Variants in STAG1 observed in about 807,000 individuals in gnomAD.
STAG1 encodes STAG1 cohesin complex component.
Under a neutral mutation model 170.9 loss-of-function variants are expected in STAG1, and 26 were observed. The observed-to-expected ratio is 0.15, with a 90% CI of 0.11 to 0.21. The LOEUF (loss-of-function observed/expected upper bound fraction) is 0.21. STAG1 is among the 10% of genes least tolerant of loss of function. STAG1 has a pLI of 1.00. For missense variants in STAG1, 964 were observed against 1,509.5 expected (o/e 0.64, Z 5.99); for synonymous variants, 514 against 497.7 (o/e 1.03, Z -0.44).
At chr3:136,446,695 T>A (rs2088790413) in intron 14 of STAG1, among the ~76,000 whole-genome samples, 1 of 151,964 alleles carries the variant, frequency 6.6e-6, no homozygotes, top group South Asian at 2.1e-4. Context: ...AGTGTTGGGA[T>A]TACAGGCATG....
intron 1 of STAG1, among the ~76,000 whole-genome samples, chr3:136,639,192 A>G (rs1297037080): frequency 2.0e-5 from 3 of 151,146 alleles, no homozygotes; most frequent in Non-Finnish European, 4.4e-5. Context: ...AAAGAAAAGA[A>G]AAAAAAAAGG....
chr3:136,492,054 G>A (rs1428196351), intron 9 of STAG1, among the ~76,000 whole-genome samples: 1 of 152,108 alleles, frequency 6.6e-6, no homozygotes, highest in Non-Finnish European at 1.5e-5. Flanking sequence ...GTGGTAAGTG[G>A]GACACAAAGT....
intron 6 of STAG1, among the ~76,000 whole-genome samples, chr3:136,521,809 C>T (rs566532343): frequency 6.6e-6 from 1 of 152,250 alleles, no homozygotes; most frequent in Non-Finnish European, 1.5e-5. Flanking sequence ...CTGTGTCATA[C>T]CACATCTTTC....
chr3:136,745,313 A>G (rs955815467), intron 1 of STAG1, among the ~76,000 whole-genome samples: 9 of 152,230 alleles, frequency 5.9e-5, no homozygotes, highest in African/African-American at 2.2e-4. Flanking sequence ...AAAATTAAAA[A>G]TAAATAAAAA....
chr3:136,691,596 C>A (rs926710125), intron 1 of STAG1, among the ~76,000 whole-genome samples: 3 of 152,196 alleles, frequency 2.0e-5, no homozygotes, highest in Non-Finnish European at 4.4e-5. Context: ...GAGAAACCCT[C>A]AAAGCTGCCA....
chr3:136,338,679 A>G (rs780891289), intron 32 of STAG1, among the ~76,000 whole-genome samples: 1 of 152,244 alleles, frequency 6.6e-6, no homozygotes, highest in Admixed American at 6.5e-5. Flanking sequence ...CTTTCAAACT[A>G]TCATGAATAA....
intron 3 of STAG1, among the ~76,000 whole-genome samples, chr3:136,610,221 G>C (rs1264106208): frequency 6.6e-6 from 1 of 152,012 alleles, no homozygotes; most frequent in Non-Finnish European, 1.5e-5. Flanking sequence ...ATTCTTAGTA[G>C]AGATGGGATT....
At chr3:136,571,668 T>C (rs1937269303) in intron 4 of STAG1, among the ~76,000 whole-genome samples, 2 of 151,846 alleles carry the variant, frequency 1.3e-5, no homozygotes, top group South Asian at 4.1e-4. Context: ...GGCCAGGAGT[T>C]CAAGACCAGC....
At chr3:136,585,053 T>C (rs536644500) in intron 4 of STAG1, among the ~76,000 whole-genome samples, 10 of 152,188 alleles carry the variant, frequency 6.6e-5, no homozygotes, top group Non-Finnish European at 1.3e-4. Context: ...AAATATCAAA[T>C]AATTATATGA....
chr3:136,642,273 T>C (rs1305423031), intron 1 of STAG1, among the ~76,000 whole-genome samples: 2 of 98,026 alleles, frequency 2.0e-5, no homozygotes, highest in East Asian at 4.3e-4. Flanking sequence ...TCTTTTTTTT[T>C]TTTTTTTTTT....
chr3:136,352,690 G>C (rs749810434), intron 28 of STAG1, among the ~76,000 whole-genome samples: 2 of 151,980 alleles, frequency 1.3e-5, no homozygotes. Flanking sequence ...CAATCATTCT[G>C]TTTTGTACTT....
chr3:136,596,973 G>A (rs1428370026), intron 4 of STAG1, among the ~76,000 whole-genome samples: 1 of 151,170 alleles, frequency 6.6e-6, no homozygotes, highest in Non-Finnish European at 1.5e-5. Context: ...TACTTAGGAG[G>A]CTGAGGCACA....
intron 1 of STAG1, among the ~76,000 whole-genome samples, chr3:136,722,662 C>G (rs1933357230): frequency 6.9e-6 from 1 of 144,726 alleles, no homozygotes; most frequent in Admixed American, 6.8e-5. Flanking sequence ...CCTCTCCCTT[C>G]TCCCCTCTCC....
At chr3:136,467,036 C>G (rs1359094704) in intron 12 of STAG1, among the ~76,000 whole-genome samples, 2 of 152,154 alleles carry the variant, frequency 1.3e-5, no homozygotes, top group Non-Finnish European at 2.9e-5. Context: ...CCAGTACCAG[C>G]CACTGCAAAA....
intron 2 of STAG1, among the ~76,000 whole-genome samples, chr3:136,627,266 A>G (rs1173052178): frequency 6.6e-6 from 1 of 152,174 alleles, no homozygotes; most frequent in African/African-American, 2.4e-5. Flanking sequence ...GAAAAAGAAA[A>G]TTTCGAGCAA....
chr3:136,714,723 G>A (rs1301187590), intron 1 of STAG1, among the ~76,000 whole-genome samples: 15 of 150,754 alleles, frequency 9.9e-5, no homozygotes, highest in East Asian at 7.8e-4. Flanking sequence ...GCGAGACTCC[G>A]TCTCAAAAAT....
At chr3:136,405,013 G>A (rs1210240633) in intron 21 of STAG1, among the ~76,000 whole-genome samples, 2 of 151,956 alleles carry the variant, frequency 1.3e-5, no homozygotes, top group African/African-American at 4.8e-5. Flanking sequence ...ATAGAAGGAG[G>A]CTCAAACTTT....
At chr3:136,459,110 C>A (rs990069648) in intron 13 of STAG1, among the ~76,000 whole-genome samples, 1 of 151,364 alleles carries the variant, frequency 6.6e-6, no homozygotes, top group African/African-American at 2.4e-5. Context: ...CCCAGCTACT[C>A]GGGAGGCTGA....
chr3:136,558,710 T>C (rs913462929), intron 5 of STAG1, among the ~76,000 whole-genome samples: 5 of 152,194 alleles, frequency 3.3e-5, no homozygotes, highest in Admixed American at 1.3e-4. Context: ...TCAGAGAAAT[T>C]TGACATCATC....
Sources: allele counts gnomAD v4.1 joint callset (sites outside exome capture counted in the v4.1 genomes callset), GRCh38; gene constraint gnomAD v4.1.1; transcripts MANE v1.5; gene names NCBI Gene and HGNC (gene_info 2026-07-23, HGNC 2026-07-21).